Variants in NCAM2 observed in about 807,000 individuals in gnomAD.
NCAM2 encodes N-CAM-2.
In NCAM2, 30 loss-of-function variants were observed where a neutral mutation model predicts 98.1. The observed-to-expected ratio is 0.31, with a 90% CI of 0.23 to 0.41. NCAM2 has a LOEUF of 0.41. NCAM2 is among the 10% of genes least tolerant of loss of function. NCAM2 has a pLI of 1.00. For missense variants in NCAM2, 867 were observed against 1,005.8 expected (o/e 0.86, Z 1.87); for synonymous variants, 368 against 342.4 (o/e 1.07, Z -0.83).
chr21:21,407,027 G>A (rs956873419), intron 9 of NCAM2, among the ~76,000 whole-genome samples: 2 of 151,848 alleles, frequency 1.3e-5, no homozygotes, highest in African/African-American at 4.8e-5. Flanking sequence ...TATTTCCTCT[G>A]TACATTTGAA....
intron 1 of NCAM2, among the ~76,000 whole-genome samples, chr21:21,025,366 A>T (rs8128823): frequency 0.012 from 1,842 of 152,276 alleles, 32 homozygotes; most frequent in African/African-American, 0.042. Context: ...ATTACAGGCG[A>T]GAGCCACTGC....
intron 12 of NCAM2, among the ~76,000 whole-genome samples, chr21:21,462,174 A>T (rs968639038): frequency 2.0e-5 from 3 of 151,944 alleles, no homozygotes; most frequent in Non-Finnish European, 2.9e-5. Flanking sequence ...AAGCTTTGTA[A>T]TTTCTCATAG....
At chr21:21,468,067 C>G (rs1379714535) in intron 13 of NCAM2, among the ~76,000 whole-genome samples, 1 of 151,836 alleles carries the variant, frequency 6.6e-6, no homozygotes, top group African/African-American at 2.4e-5. Flanking sequence ...ATGGCTATCT[C>G]TATGTTGAAG....
chr21:21,248,071 G>A (rs1471062624), intron 1 of NCAM2, among the ~76,000 whole-genome samples: 8 of 152,066 alleles, frequency 5.3e-5, no homozygotes, highest in Non-Finnish European at 8.8e-5. Flanking sequence ...CAATTAAATA[G>A]ACAATAATAT....
In NCAM2 at chr21:21,537,959, A is replaced by G. The variant is rs774354450; in HGVS notation, c.*2A>G. On this transcript the variant is annotated 3_prime_UTR_variant, in exon 18 of 18. Transcript: ENST00000400546. ...AAAGAAGACGACAGCAAAGCATAAC[A>G]ACAATATTACAGGGGCTTGAACAAC... The G allele has an allele frequency of 3.3e-6, 5 of 1,496,966 alleles. No homozygotes were observed. The highest frequency in any genetic ancestry group is 4.5e-6 in the Non-Finnish European group (5 of 1,099,500). The allele number at this position is 1,496,966 out of a possible 1,614,324, so 92.7% of individuals were successfully genotyped here. A position where few individuals can be genotyped will look rare whatever the true frequency, so the allele number is the denominator to read the frequency against.
At position 21,195,043 on chromosome 21, in the gene NCAM2, A is replaced by G. The variant is rs146359160; in HGVS notation, c.56-85535A>G. ...TGTGTCCAGTTTTCTCTGTGAAATG[A>G]ATGATAATGAAAGGAGTAGAGAAGA... On this transcript the variant is annotated intron_variant, in intron 1 of 17. Transcript: ENST00000400546. 4.0e-3 allele frequency among the ~76,000 whole-genome samples: 611 copies of G among 152,278 alleles called. 3 individuals are homozygous for G. Among genetic ancestry groups the G allele is most frequent in the African/African-American group, 0.014 (589 of 41,570 alleles).
chr21:21,514,602 G>C (rs545258532), intron 16 of NCAM2, among the ~76,000 whole-genome samples: 2 of 151,750 alleles, frequency 1.3e-5, no homozygotes, highest in Non-Finnish European at 2.9e-5. Flanking sequence ...GGTCAGTAAG[G>C]CCCTCTATAT....
At chr21:21,522,010 T>A (rs1989042548) in intron 16 of NCAM2, among the ~76,000 whole-genome samples, 1 of 148,890 alleles carries the variant, frequency 6.7e-6, no homozygotes, top group Non-Finnish European at 1.5e-5. Flanking sequence ...TATATATCAA[T>A]ATATAAATAT....
At chr21:21,018,713 C>A (rs1182845970) in intron 1 of NCAM2, among the ~76,000 whole-genome samples, 2 of 152,146 alleles carry the variant, frequency 1.3e-5, no homozygotes, top group African/African-American at 4.8e-5. Flanking sequence ...TCATATAAAG[C>A]ATTTCCATAT....
chr21:21,298,501 A>G (rs1171791316), intron 5 of NCAM2, among the ~76,000 whole-genome samples: 1 of 151,696 alleles, frequency 6.6e-6, no homozygotes, highest in Admixed American at 6.6e-5. Flanking sequence ...ACACAAGAAA[A>G]GAAAAGTATA....
intron 8 of NCAM2, among the ~76,000 whole-genome samples, chr21:21,349,367 A>G (rs1433444131): frequency 6.6e-6 from 1 of 152,180 alleles, no homozygotes; most frequent in Non-Finnish European, 1.5e-5. Flanking sequence ...GCAAATGAAA[A>G]CTACAATGAG....
chr21:21,154,176 A>G (rs73894479), intron 1 of NCAM2, among the ~76,000 whole-genome samples: 198 of 152,032 alleles, frequency 1.3e-3, no homozygotes, highest in African/African-American at 4.5e-3. Context: ...TAAAGAAACA[A>G]TCAGCCAAAT....
intron 1 of NCAM2, among the ~76,000 whole-genome samples, chr21:21,245,290 G>A (rs1441370635): frequency 6.6e-6 from 1 of 152,024 alleles, no homozygotes; most frequent in Non-Finnish European, 1.5e-5. Context: ...ATAATTAATG[G>A]CTAACTCCCT....
At chr21:21,488,402 A>C (rs1347553600) in intron 15 of NCAM2, among the ~76,000 whole-genome samples, 15 of 152,046 alleles carry the variant, frequency 9.9e-5, no homozygotes, top group African/African-American at 3.4e-4. Flanking sequence ...ATGATTAGTC[A>C]TTTATGTTAA....
intron 5 of NCAM2, among the ~76,000 whole-genome samples, chr21:21,301,271 G>A (rs1312711919): frequency 6.6e-6 from 1 of 151,874 alleles, no homozygotes; most frequent in African/African-American, 2.4e-5. Flanking sequence ...TTATTTTGTT[G>A]CAGTTGTTTC....
At chr21:21,299,390 A>G (rs2073624199) in intron 5 of NCAM2, among the ~76,000 whole-genome samples, 1 of 151,764 alleles carries the variant, frequency 6.6e-6, no homozygotes, top group Non-Finnish European at 1.5e-5. Flanking sequence ...GAAAGTAATA[A>G]AGCAGAGAGA....
chr21:21,499,942 T>C (rs933211487), intron 15 of NCAM2, among the ~76,000 whole-genome samples: 11 of 152,132 alleles, frequency 7.2e-5, no homozygotes, highest in Admixed American at 7.2e-4. Context: ...TCCAAGTGCA[T>C]TTATATCAAC....
At chr21:21,312,060 G>A (rs970226928) in intron 5 of NCAM2, among the ~76,000 whole-genome samples, 7 of 152,052 alleles carry the variant, frequency 4.6e-5, no homozygotes, top group African/African-American at 1.7e-4. Flanking sequence ...AGCTGACAGC[G>A]AATTTCCTTA....
chr21:21,263,740 A>G (rs1013899995), intron 1 of NCAM2, among the ~76,000 whole-genome samples: 3 of 152,166 alleles, frequency 2.0e-5, no homozygotes, highest in Non-Finnish European at 4.4e-5. Context: ...CAAAGTTGAC[A>G]AAAATAAACA....
Sources: gnomAD v4.1 joint callset for allele counts (sites outside exome capture counted in the v4.1 genomes callset) on GRCh38, gnomAD v4.1.1 for gene constraint, MANE v1.5 for transcripts, NCBI Gene and HGNC (gene_info 2026-07-23, HGNC 2026-07-21) for gene names.